Variants in MITF observed in about 807,000 individuals in gnomAD.
MITF encodes the protein microphthalmia-associated transcription factor.
A neutral mutation model predicts 60.5 loss-of-function variants in MITF; 17 were observed. That is an observed-to-expected ratio of 0.28 (90% CI 0.19 to 0.42). The LOEUF is 0.42. MITF is among the 10% of genes least tolerant of loss of function. The pLI, the probability that MITF is intolerant of heterozygous loss-of-function variation, is 1.00. For missense variants in MITF, 622 were observed against 683.5 expected (o/e 0.91, Z 1.00); for synonymous variants, 260 against 248.5 (o/e 1.05, Z -0.43).
intron 1 of MITF, among the ~76,000 whole-genome samples, chr3:69,766,770 A>G (rs2062303545): frequency 6.6e-6 from 1 of 152,042 alleles, no homozygotes; most frequent in Admixed American, 6.6e-5. Context: ...AGTACGGTAG[A>G]TATTGCCAAC....
chr3:69,803,194 T>C (rs2062950854), intron 1 of MITF, among the ~76,000 whole-genome samples: 1 of 152,208 alleles, frequency 6.6e-6, no homozygotes, highest in Admixed American at 6.5e-5. Context: ...TATACAAAAG[T>C]CCAGTTTATG....
chr3:69,951,829 G>C lies in MITF; in HGVS notation c.898G>C (p.Glu300Gln). ...GTGCACAGCGTGTATTTTTCCCACAGAGTCTGAAGCAAGAGCACTGGCCAA... is the reference window on the plus strand; with the variant it reads ...GTGCACAGCGTGTATTTTTCCCACACAGTCTGAAGCAAGAGCACTGGCCAA... Reference protein sequence around the residue: ...RELTACIFPTESEARALAKER... With the variant: ...RELTACIFPTQSEARALAKER... Residue 300 changes from glutamate (E) to glutamine (Q), a missense_variant, in exon 7 of 10, where the codon GAG becomes CAG. Coordinates refer to ENST00000352241, the MANE Select transcript of MITF (RefSeq NM_001354604.2). The C allele has an allele frequency of 6.2e-7, 1 of 1,613,554 alleles. No individual in the cohort carries two copies. Among genetic ancestry groups the C allele is most frequent in the South Asian group, 1.1e-5 (1 of 91,066 alleles).
chr3:69,775,357 A>G (rs766911179), intron 1 of MITF, among the ~76,000 whole-genome samples: 6 of 152,152 alleles, frequency 3.9e-5, no homozygotes, highest in Non-Finnish European at 7.3e-5. Context: ...TATTTATGTG[A>G]AATGTCTCTG....
chr3:69,750,371 T>C (rs1703885723), intron 1 of MITF, among the ~76,000 whole-genome samples: 1 of 146,188 alleles, frequency 6.8e-6, no homozygotes, highest in African/African-American at 2.5e-5. Flanking sequence ...TAGAGGAAAC[T>C]ATAGAGCTTT....
intron 2 of MITF, among the ~76,000 whole-genome samples, chr3:69,931,226 C>G (rs2065715718): frequency 6.6e-6 from 1 of 152,168 alleles, no homozygotes; most frequent in African/African-American, 2.4e-5. Flanking sequence ...AAACATCGTG[C>G]TATATAATGT....
chr3:69,919,520 G>C (rs546415538), intron 2 of MITF, among the ~76,000 whole-genome samples: 1 of 152,120 alleles, frequency 6.6e-6, no homozygotes, highest in East Asian at 1.9e-4. Context: ...GACAACATTT[G>C]TGCATGTATG....
intron 1 of MITF, among the ~76,000 whole-genome samples, chr3:69,742,680 GT>G (rs1703571897): frequency 6.6e-6 from 1 of 152,194 alleles, no homozygotes; most frequent in African/African-American, 2.4e-5. Flanking sequence ...GCCTCCAGGA[GT>G]CTTAAGAACA....
chr3:69,816,137 G>A (rs1302068580), intron 1 of MITF, among the ~76,000 whole-genome samples: 1 of 152,074 alleles, frequency 6.6e-6, no homozygotes, highest in Admixed American at 6.5e-5. Context: ...AGTAGTTGCT[G>A]TTTGCCCAGG....
chr3:69,912,689 G>A (rs1284495890), intron 2 of MITF, among the ~76,000 whole-genome samples: 1 of 152,190 alleles, frequency 6.6e-6, no homozygotes, highest in African/African-American at 2.4e-5. Flanking sequence ...ACCTGCTAGA[G>A]TCAGTGTTGG....
chr3:69,936,477 T>G (rs989136871), intron 2 of MITF: 24 of 747,000 alleles, frequency 3.2e-5, no homozygotes, highest in African/African-American at 5.4e-5. Flanking sequence ...TATCAACATT[T>G]AAGACCAAAC....
chr3:69,910,197 C>T (rs1425581370), intron 2 of MITF, among the ~76,000 whole-genome samples: 2 of 152,210 alleles, frequency 1.3e-5, no homozygotes. Flanking sequence ...GGCCCCAAAC[C>T]TTGGCAGCTT....
At chr3:69,791,502 T>G (rs970509116) in intron 1 of MITF, among the ~76,000 whole-genome samples, 2 of 152,184 alleles carry the variant, frequency 1.3e-5, no homozygotes, top group African/African-American at 2.4e-5. Flanking sequence ...ATTCTTTATG[T>G]GCAAGTTGTA....
chr3:69,889,025 GTTTTTTTTT>G (rs4057977), intron 2 of MITF, among the ~76,000 whole-genome samples: 3 of 58,806 alleles, frequency 5.1e-5, no homozygotes, highest in Non-Finnish European at 9.7e-5. Flanking sequence ...ATAGCCTTTG[GTTTTTTTTT>G]TTTTTTTTTT....
chr3:69,796,274 C>T (rs562988474), intron 1 of MITF, among the ~76,000 whole-genome samples: 1 of 152,150 alleles, frequency 6.6e-6, no homozygotes, highest in African/African-American at 2.4e-5. Flanking sequence ...AGCCACTGCG[C>T]CTGGCCTCTG....
At chr3:69,800,883 C>A (rs1341494742) in intron 1 of MITF, among the ~76,000 whole-genome samples, 7 of 151,912 alleles carry the variant, frequency 4.6e-5, no homozygotes, top group Non-Finnish European at 1.0e-4. Context: ...AGTGACTGAA[C>A]CAGAAAAAGG....
chr3:69,843,907 C>T (rs115526006), intron 1 of MITF, among the ~76,000 whole-genome samples: 1,956 of 152,230 alleles, frequency 0.013, 37 homozygotes, highest in African/African-American at 0.045. Context: ...CCCCGCCCCA[C>T]GATAGACCCC....
At chr3:69,858,643 G>A (rs2063960551) in intron 1 of MITF, among the ~76,000 whole-genome samples, 1 of 152,134 alleles carries the variant, frequency 6.6e-6, no homozygotes, top group African/African-American at 2.4e-5. Flanking sequence ...TGAAAAGACA[G>A]AGTTTGTTGT....
chr3:69,958,378 T>C (rs1217400855), intron 8 of MITF, among the ~76,000 whole-genome samples: 6 of 152,144 alleles, frequency 3.9e-5, no homozygotes, highest in African/African-American at 1.4e-4. Flanking sequence ...AGGGATCAAC[T>C]CCAGGGAATT....
chr3:69,823,043 T>C (rs1350411126), intron 1 of MITF, among the ~76,000 whole-genome samples: 1 of 152,128 alleles, frequency 6.6e-6, no homozygotes, highest in African/African-American at 2.4e-5. Flanking sequence ...CACGCCTGGC[T>C]AATTTTGGTA....
Sources: gnomAD v4.1 joint callset for allele counts (sites outside exome capture counted in the v4.1 genomes callset) on GRCh38, gnomAD v4.1.1 for gene constraint, MANE v1.5 for transcripts, NCBI Gene and HGNC (gene_info 2026-07-23, HGNC 2026-07-21) for gene names.